DSCAM: variants seen among roughly 807,000 people sequenced by gnomAD.
The protein encoded by DSCAM is cell adhesion molecule DSCAM.
A neutral mutation model predicts 217.7 loss-of-function variants in DSCAM; 47 were observed. The observed-to-expected ratio is 0.22, with a 90% CI of 0.17 to 0.28. DSCAM has a LOEUF of 0.28. Ranked by LOEUF, DSCAM falls within the 10% of genes least tolerant of loss-of-function variation. DSCAM has a pLI of 1.00. For missense variants in DSCAM, 2,080 were observed against 2,618.3 expected (o/e 0.79, Z 4.49); for synonymous variants, 1,056 against 1,015.3 (o/e 1.04, Z -0.76).
At chr21:40,507,511 C>T (rs2076219230) in intron 3 of DSCAM, among the ~76,000 whole-genome samples, 1 of 152,154 alleles carries the variant, frequency 6.6e-6, no homozygotes, top group African/African-American at 2.4e-5. Flanking sequence ...GCATCTACAG[C>T]TGGATGTGGT....
At chr21:40,170,836 G>T (rs1265972657) in intron 15 of DSCAM, among the ~76,000 whole-genome samples, 1 of 152,212 alleles carries the variant, frequency 6.6e-6, no homozygotes, top group Non-Finnish European at 1.5e-5. Flanking sequence ...TGGAGGCAAT[G>T]TCAGGAGCAC....
At chr21:40,833,825 CTG>C (rs904655262) in intron 1 of DSCAM, among the ~76,000 whole-genome samples, 7 of 152,158 alleles carry the variant, frequency 4.6e-5, no homozygotes, top group Non-Finnish European at 8.8e-5. Flanking sequence ...CTATTTAAGT[CTG>C]TGTTCTCAAC....
At chr21:40,551,882 A>C (rs2076632720) in intron 3 of DSCAM, among the ~76,000 whole-genome samples, 1 of 152,188 alleles carries the variant, frequency 6.6e-6, no homozygotes, top group South Asian at 2.1e-4. Context: ...CATGGCCTGA[A>C]CTACCTTTTC....
intron 3 of DSCAM, among the ~76,000 whole-genome samples, chr21:40,687,541 C>T (rs1039297186): frequency 3.9e-5 from 6 of 152,146 alleles, no homozygotes; most frequent in African/African-American, 1.4e-4. Flanking sequence ...CCCCCGACAG[C>T]TGTGCTAGCT....
chr21:40,143,471 G>A (rs1406077756), intron 17 of DSCAM, among the ~76,000 whole-genome samples: 2 of 152,230 alleles, frequency 1.3e-5, no homozygotes, highest in African/African-American at 2.4e-5. Flanking sequence ...AGATATTACA[G>A]GTGCAAGTCC....
chr21:40,708,782 A>T lies in DSCAM; in HGVS notation c.44-11T>A. 1.3e-6 allele frequency: 2 copies of T among 1,524,536 alleles called. No individual in the cohort carries two copies. The highest frequency in any genetic ancestry group is 1.8e-6 in the Non-Finnish European group (2 of 1,129,806). 94.4% of individuals were successfully genotyped at this position (1,524,536 alleles called of 1,614,324 possible). A position where few individuals can be genotyped will look rare whatever the true frequency, so the allele number is the denominator to read the frequency against. On this transcript the variant is annotated splice_polypyrimidine_tract_variant and intron_variant, in intron 1 of 32. Transcript: ENST00000400454. The stretch of plus-strand genomic sequence containing the variant: ...GGTCTTCACTGAAAACTGCAAGAAG[A>T]CAACACAGGGATCCATAGGTGAGTA...
At chr21:40,027,068 C>A (rs2088404194) in intron 32 of DSCAM, among the ~76,000 whole-genome samples, 1 of 152,426 alleles carries the variant, frequency 6.6e-6, no homozygotes, top group South Asian at 2.1e-4. Context: ...TTAGGGCAGG[C>A]CTGGTAGTGA....
chr21:40,695,773 T>G (rs192452105), intron 2 of DSCAM, among the ~76,000 whole-genome samples: 163 of 152,344 alleles, frequency 1.1e-3, no homozygotes, highest in African/African-American at 3.4e-3. Flanking sequence ...TCTAATCCTT[T>G]TACAGAATAT....
chr21:40,733,132 G>A (rs1162732595), intron 1 of DSCAM, among the ~76,000 whole-genome samples: 2 of 152,214 alleles, frequency 1.3e-5, no homozygotes, highest in African/African-American at 4.8e-5. Context: ...GCATGCAGGT[G>A]CTGGAGGGGC....
intron 27 of DSCAM, among the ~76,000 whole-genome samples, chr21:40,067,236 T>C (rs2089219810): frequency 6.6e-6 from 1 of 152,232 alleles, no homozygotes; most frequent in Admixed American, 6.5e-5. Context: ...ATACAGTTTC[T>C]ACTGAATGCA....
chr21:40,485,399 C>T (rs1354790698), intron 3 of DSCAM, among the ~76,000 whole-genome samples: 1 of 151,916 alleles, frequency 6.6e-6, no homozygotes, highest in Admixed American at 6.5e-5. Context: ...CCCGCCACCG[C>T]GCCCGGCTAA....
intron 14 of DSCAM, among the ~76,000 whole-genome samples, chr21:40,183,756 T>C (rs1388738569): frequency 6.6e-6 from 1 of 152,224 alleles, no homozygotes; most frequent in Non-Finnish European, 1.5e-5. Flanking sequence ...ATAGAGTGAA[T>C]GGTCACTTGC....
intron 1 of DSCAM, among the ~76,000 whole-genome samples, chr21:40,825,772 A>C (rs1164877991): frequency 6.6e-6 from 1 of 152,106 alleles, no homozygotes; most frequent in African/African-American, 2.4e-5. Context: ...AGAGTTGAGA[A>C]TTCTAGGGCA....
intron 16 of DSCAM, among the ~76,000 whole-genome samples, chr21:40,157,684 CCTTTT>C (rs1224508717): frequency 2.9e-5 from 3 of 104,382 alleles, no homozygotes; most frequent in Non-Finnish European, 6.5e-5. Context: ...GTCTCTCTTT[CCTTTT>C]CTTTTTTCTT....
At chr21:40,650,356 T>C (rs1227117132) in intron 3 of DSCAM, among the ~76,000 whole-genome samples, 3 of 152,220 alleles carry the variant, frequency 2.0e-5, no homozygotes, top group East Asian at 1.9e-4. Context: ...ATCAATGACA[T>C]TGTGATGGGT....
intron 4 of DSCAM, among the ~76,000 whole-genome samples, chr21:40,367,539 A>G (rs2074846452): frequency 6.6e-6 from 1 of 152,230 alleles, no homozygotes; most frequent in East Asian, 1.9e-4. Context: ...TTAGAAATGC[A>G]TTCTGTATTC....
At chr21:40,066,433 T>C (rs1327067108) in intron 27 of DSCAM, among the ~76,000 whole-genome samples, 1 of 152,222 alleles carries the variant, frequency 6.6e-6, no homozygotes, top group Non-Finnish European at 1.5e-5. Flanking sequence ...TCTCAGCCAC[T>C]CCTCATACGG....
At chr21:40,284,053 T>C (rs1177474443) in intron 10 of DSCAM, among the ~76,000 whole-genome samples, 2 of 152,158 alleles carry the variant, frequency 1.3e-5, no homozygotes, top group Non-Finnish European at 2.9e-5. Context: ...TTTTCTTCTT[T>C]AGGAAGGGGG....
At chr21:40,536,608 A>G (rs199507652) in intron 3 of DSCAM, among the ~76,000 whole-genome samples, 347 of 152,126 alleles carry the variant, frequency 2.3e-3, no homozygotes, top group East Asian at 5.8e-3. Context: ...GGGTTTCACC[A>G]TGTTAGCCAG....
Sources: gnomAD v4.1 joint callset for allele counts (sites outside exome capture counted in the v4.1 genomes callset) on GRCh38, gnomAD v4.1.1 for gene constraint, MANE v1.5 for transcripts, NCBI Gene and HGNC (gene_info 2026-07-23, HGNC 2026-07-21) for gene names.